DGKB: variants seen among roughly 807,000 people sequenced by gnomAD.
DGKB encodes diacylglycerol kinase beta.
Under a neutral mutation model 114.3 loss-of-function variants are expected in DGKB, and 67 were observed. That is an observed-to-expected ratio of 0.59 (90% CI 0.48 to 0.72). The LOEUF (loss-of-function observed/expected upper bound fraction) is 0.72. DGKB is among the 30% of genes least tolerant of loss of function. DGKB has a pLI of 0.00. For synonymous variants in DGKB, 398 were observed against 323.1 expected (o/e 1.23, Z -2.49); for missense variants, 907 against 975.2 (o/e 0.93, Z 0.93).
chr7:14,293,792 C>A (rs1802117585), intron 23 of DGKB, among the ~76,000 whole-genome samples: 1 of 152,150 alleles, frequency 6.6e-6, no homozygotes, highest in Admixed American at 6.6e-5. Context: ...CAATGGCTTC[C>A]TGCTGCACTT....
intron 2 of DGKB, among the ~76,000 whole-genome samples, chr7:14,838,713 A>G (rs1847499984): frequency 1.3e-5 from 2 of 152,082 alleles, no homozygotes; most frequent in Admixed American, 6.6e-5. Flanking sequence ...TCTTTCCATC[A>G]CCATATACCA....
At chr7:14,837,025 A>C (rs998316452) in intron 2 of DGKB, among the ~76,000 whole-genome samples, 1 of 152,204 alleles carries the variant, frequency 6.6e-6, no homozygotes, top group Non-Finnish European at 1.5e-5. Context: ...GCAATTTGCC[A>C]GGCACGGCTC....
At position 14,935,923 on chromosome 7, in the gene DGKB, C is replaced by T. The variant is rs545301945; in HGVS notation, c.-188+38773G>A. Among the ~76,000 whole-genome samples, 8 of 152,078 alleles carry T rather than the reference C, an allele frequency of 5.3e-5. No homozygotes were observed. In the East Asian group the frequency reaches 1.4e-3, roughly 26 times the overall value. Reference sequence around the variant, plus strand: ...ATTTCCAAAAACTTCTCTGGTGATGCCCACATTGGTTGTCCATCAACTACA... The same window carrying T: ...ATTTCCAAAAACTTCTCTGGTGATGTCCACATTGGTTGTCCATCAACTACA... On this transcript the variant is annotated intron_variant, in intron 1 of 4. Coordinates refer to the DGKB transcript ENST00000437998.
intron 13 of DGKB, among the ~76,000 whole-genome samples, chr7:14,648,380 G>A (rs1813619660): frequency 6.6e-6 from 1 of 152,106 alleles, no homozygotes; most frequent in Admixed American, 6.5e-5. Flanking sequence ...CCCCAGCAGG[G>A]GCACACTCAC....
chr7:14,757,024 A>C (rs1269207462), intron 3 of DGKB, among the ~76,000 whole-genome samples: 1 of 152,116 alleles, frequency 6.6e-6, no homozygotes, highest in African/African-American at 2.4e-5. Context: ...AGACATGCAA[A>C]GTTTTCATAA....
At chr7:14,819,196 C>A (rs1218329334) in intron 2 of DGKB, among the ~76,000 whole-genome samples, 1 of 152,086 alleles carries the variant, frequency 6.6e-6, no homozygotes, top group Non-Finnish European at 1.5e-5. Context: ...TATAACCCTG[C>A]TGGATAATTG....
intron 23 of DGKB, among the ~76,000 whole-genome samples, chr7:14,261,746 T>C (rs899166314): frequency 6.6e-6 from 1 of 152,164 alleles, no homozygotes; most frequent in African/African-American, 2.4e-5. Context: ...AGAGGTAAAA[T>C]AATCTGGTGA....
chr7:14,501,550 T>A (rs539204544), intron 20 of DGKB, among the ~76,000 whole-genome samples: 1 of 151,858 alleles, frequency 6.6e-6, no homozygotes, highest in Non-Finnish European at 1.5e-5. Flanking sequence ...CAAATATGTG[T>A]CTCTGGAAAA....
chr7:14,438,082 C>T (rs938439735), intron 21 of DGKB, among the ~76,000 whole-genome samples: 5 of 151,860 alleles, frequency 3.3e-5, no homozygotes, highest in African/African-American at 1.2e-4. Context: ...AAGCAAGTCT[C>T]CCCACACCAC....
At chr7:14,669,256 G>T (rs1441835555) in intron 13 of DGKB, among the ~76,000 whole-genome samples, 1 of 152,078 alleles carries the variant, frequency 6.6e-6, no homozygotes, top group Non-Finnish European at 1.5e-5. Flanking sequence ...ATCCTCTAAT[G>T]GCTTCCTATT....
At chr7:14,660,391 AT>A (rs1816788827) in intron 13 of DGKB, among the ~76,000 whole-genome samples, 1 of 151,820 alleles carries the variant, frequency 6.6e-6, no homozygotes, top group Non-Finnish European at 1.5e-5. Context: ...TAAGCTATTG[AT>A]TATTGCCACA....
At chr7:14,414,930 A>C (rs1387762264) in intron 21 of DGKB, among the ~76,000 whole-genome samples, 1 of 152,104 alleles carries the variant, frequency 6.6e-6, no homozygotes, top group African/African-American at 2.4e-5. Context: ...CATAAAATTT[A>C]AATACTCTGA....
Position 14,570,747 on chromosome 7 carries a change from TG to T in DGKB, c.1770+3464del, listed in dbSNP as rs147830325. Among the ~76,000 whole-genome samples the T allele has an allele frequency of 3.5e-3, 538 of 152,090 alleles. 2 individuals carry two copies. The highest frequency in any genetic ancestry group is 0.012 in the African/African-American group (498 of 41,486). On this transcript the variant is annotated intron_variant, in intron 20 of 25. Transcript: ENST00000402815. ...GAGGAAGAAGAGAAGGGGTTGATCT[TG>T]CTCTCCCAGAGGTGGCAGAGGCAAA...
rs886667271 is a variant in DGKB, at chr7:14,694,598, C to T, written c.592-404G>A. On this transcript the variant is annotated intron_variant, in intron 8 of 25. Transcript: ENST00000402815. ...TAATTCTTTGCTAAGTAGTAAGGGG[C>T]GAAGGAATTTAGTTGCTTTTAATTG... 2.6e-5 allele frequency among the ~76,000 whole-genome samples: 4 copies of T among 152,110 alleles called. No individual in the cohort carries two copies. The East Asian group carries it at 5.8e-4, about 22-fold the overall frequency.
At chr7:14,799,708 A>T (rs983825692) in intron 2 of DGKB, among the ~76,000 whole-genome samples, 1 of 152,114 alleles carries the variant, frequency 6.6e-6, no homozygotes, top group African/African-American at 2.4e-5. Flanking sequence ...TTAATGAATG[A>T]CCTGAAAAGC....
intron 2 of DGKB, among the ~76,000 whole-genome samples, chr7:14,789,566 C>A (rs1356652908): frequency 4.6e-5 from 7 of 151,980 alleles, no homozygotes; most frequent in African/African-American, 1.7e-4. Context: ...TGTGTATAGG[C>A]CTTTTTCTCT....
chr7:14,301,457 C>T (rs1479608689), intron 23 of DGKB, among the ~76,000 whole-genome samples: 2 of 152,118 alleles, frequency 1.3e-5, no homozygotes, highest in Non-Finnish European at 2.9e-5. Context: ...TCATGTACTG[C>T]AGAGACAACA....
At chr7:14,613,472 T>C in intron 15 of DGKB, 59 bp from the exon 16 acceptor site, 130 of 780,352 alleles carry the variant, frequency 1.7e-4, no homozygotes, top group Non-Finnish European at 2.4e-4. Context: ...TGAAGAAGAC[T>C]CCTTGTTATT....
chr7:14,863,206 T>G (rs899123342), intron 1 of DGKB, among the ~76,000 whole-genome samples: 14 of 151,762 alleles, frequency 9.2e-5, no homozygotes, highest in Admixed American at 9.2e-4. Context: ...TTTGTAATTG[T>G]GTGTGTGTGA....
Sources: gnomAD v4.1 joint callset for allele counts (sites outside exome capture counted in the v4.1 genomes callset) on GRCh38, gnomAD v4.1.1 for gene constraint, MANE v1.5 for transcripts, NCBI Gene and HGNC (gene_info 2026-07-23, HGNC 2026-07-21) for gene names.